The following ETS1 variants were observed in gnomAD, a reference collection of about 807,000 sequenced individuals.
ETS1 encodes protein C-ets-1.
Under a neutral mutation model 58.6 loss-of-function variants are expected in ETS1, and 15 were observed. That is an observed-to-expected ratio of 0.26 (90% CI 0.17 to 0.39). ETS1 has a LOEUF of 0.39. Among genes scored for constraint, ETS1 ranks in the 10% least tolerant of loss-of-function variants. The probability of loss-of-function intolerance (pLI) is 1.00; values close to 1 mark genes in which losing one functional copy is unlikely to be tolerated. For missense variants in ETS1, 417 were observed against 610.5 expected, an observed-to-expected ratio of 0.68 and a Z score of 3.34; for synonymous variants, 214 against 218.2, an observed-to-expected ratio of 0.98 and a Z score of 0.17.
chr11:128,516,130 G>A (rs188128887), intron 3 of ETS1, among the ~76,000 whole-genome samples: 16 of 152,334 alleles, frequency 1.1e-4, no homozygotes, highest in Admixed American at 2.6e-4. Context: ...GGAAAAGGGG[G>A]TGCAGATAGG....
intron 3 of ETS1, chr11:128,521,914 C>G (rs746512523): frequency 1.3e-6 from 2 of 1,597,786 alleles, no homozygotes; most frequent in Non-Finnish European, 1.7e-6. Context: ...GCCACTCACC[C>G]GGGGAGGGGA....
At position 128,545,182 on chromosome 11, in the gene ETS1, G is replaced by C. The variant is rs563925365; in HGVS notation, c.214+11109C>G. ...CTTGTGCCCTTAAATGACCAATATG[G>C]GACTCCAAGAAACCACAGAGAAGAT... On this transcript the variant is annotated intron_variant, in intron 3 of 9. Transcript: ENST00000392668. Among the ~76,000 whole-genome samples, 171 of 152,054 alleles carry C rather than the reference G, an allele frequency of 1.1e-3. 1 individual carries two copies. Among genetic ancestry groups the C allele is most frequent in the African/African-American group, 3.9e-3 (160 of 41,476 alleles).
intron 1 of ETS1, among the ~76,000 whole-genome samples, chr11:128,579,437 G>A (rs1014473999): frequency 9.2e-5 from 14 of 151,824 alleles, no homozygotes; most frequent in Admixed American, 1.3e-4. Context: ...CGAGGCAGGC[G>A]GACCACCCAA....
At chr11:128,470,856 T>G (rs1862169330) in intron 8 of ETS1, among the ~76,000 whole-genome samples, 2 of 152,224 alleles carry the variant, frequency 1.3e-5, no homozygotes, top group Admixed American at 6.5e-5. Flanking sequence ...GAATAAGCAT[T>G]TAGGACTTTT....
In ETS1 at chr11:128,463,758, C is replaced by G. The variant is rs749622063; in HGVS notation, c.1124-131G>C. The G allele has an allele frequency of 2.0e-5, 13 of 659,558 alleles. No individual in the cohort carries two copies. Among genetic ancestry groups the G allele is most frequent in the Non-Finnish European group, 2.8e-5 (10 of 358,930 alleles). 40.9% of individuals were successfully genotyped at this position (659,558 alleles called of 1,614,324 possible). On this transcript the variant is annotated intron_variant, in intron 8 of 9. Coordinates refer to ENST00000392668, the MANE Select transcript of ETS1 (RefSeq NM_001143820.2). The surrounding 1 kb of genome is among the most constrained non-coding windows in gnomAD (Gnocchi z 4.1). ...GCCAGGAGAAAATGAAGGCAACAGA[C>G]AGTGCACATGTCGGAGGAAGTGTTA...
intron 2 of ETS1, among the ~76,000 whole-genome samples, chr11:128,557,078 A>C (rs994912567): frequency 3.3e-5 from 5 of 152,240 alleles, no homozygotes; most frequent in African/African-American, 1.2e-4. Context: ...GCTGTGTGGA[A>C]GGTCATGTTT....
At chr11:128,555,829 GGAGA>G (rs753104173) in intron 3 of ETS1, among the ~76,000 whole-genome samples, 12 of 152,162 alleles carry the variant, frequency 7.9e-5, no homozygotes, top group Non-Finnish European at 1.5e-4. Flanking sequence ...AGGAGAGAAG[GGAGA>G]GAGAGACAGA....
At chr11:128,509,296 C>G (rs1478525816) in intron 3 of ETS1, among the ~76,000 whole-genome samples, 1 of 152,228 alleles carries the variant, frequency 6.6e-6, no homozygotes, top group Non-Finnish European at 1.5e-5. Flanking sequence ...CTGATTCATT[C>G]TGTGTGTGTG....
At chr11:128,466,739 A>G (rs1414313277) in intron 8 of ETS1, among the ~76,000 whole-genome samples, 1 of 151,742 alleles carries the variant, frequency 6.6e-6, no homozygotes, top group East Asian at 1.9e-4. Context: ...AGGCCCTAGA[A>G]GCCCAAGTCC....
intron 3 of ETS1, among the ~76,000 whole-genome samples, chr11:128,501,314 CT>C (rs1431122822): frequency 3.9e-5 from 6 of 152,174 alleles, no homozygotes; most frequent in African/African-American, 1.4e-4. Flanking sequence ...TAAGCTTTGA[CT>C]GGTGCAGACT....
At chr11:128,585,008 A>G (rs12798329) in intron 1 of ETS1, among the ~76,000 whole-genome samples, 513 of 31,838 alleles carry the variant, frequency 0.016, 74 homozygotes, top group African/African-American at 0.094. Context: ...GGAAGGAAAG[A>G]AAGGAAAGAA....
At chr11:128,557,399 G>A (rs1038960111) in intron 2 of ETS1, among the ~76,000 whole-genome samples, 2 of 152,158 alleles carry the variant, frequency 1.3e-5, no homozygotes, top group Admixed American at 6.5e-5. Context: ...ATGAAATAAT[G>A]TATGAGAAAA....
At chr11:128,548,703 C>T (rs1864177339) in intron 3 of ETS1, among the ~76,000 whole-genome samples, 1 of 152,262 alleles carries the variant, frequency 6.6e-6, no homozygotes, top group South Asian at 2.1e-4. Flanking sequence ...CAGCCCACGC[C>T]CGTCCTCTCC....
chr11:128,509,163 G>T (rs1382443787), intron 3 of ETS1, among the ~76,000 whole-genome samples: 1 of 152,192 alleles, frequency 6.6e-6, no homozygotes, highest in Non-Finnish European at 1.5e-5. Context: ...AGGATGGGTG[G>T]AAGGCATGGA....
intron 3 of ETS1, chr11:128,522,305 G>T: frequency 9.3e-7 from 1 of 1,075,640 alleles, no homozygotes; most frequent in South Asian, 3.5e-5. Context: ...GTTCGCTCTC[G>T]ATCTCCCGGC....
chr11:128,548,112 G>GAAGGAAAGGGAAGGA (rs1864160048), intron 3 of ETS1, among the ~76,000 whole-genome samples: 1 of 97,716 alleles, frequency 1.0e-5, no homozygotes, highest in Non-Finnish European at 2.0e-5. Flanking sequence ...AAAGGAAAGG[G>GAAGGAAAGGGAAGGA]AAGGAAAGGA....
chr11:128,497,590 C>G, intron 3 of ETS1: 1 of 985,072 alleles, frequency 1.0e-6, no homozygotes, highest in Non-Finnish European at 1.2e-6. Context: ...ACACATGGTT[C>G]CAATGAGCCC....
At chr11:128,495,925 A>C (rs1281448063) in intron 3 of ETS1, among the ~76,000 whole-genome samples, 2 of 152,192 alleles carry the variant, frequency 1.3e-5, no homozygotes, top group African/African-American at 4.8e-5. Context: ...CATACATAAA[A>C]GTAGAGAGAA....
At chr11:128,514,402 G>GT (rs34673369) in intron 3 of ETS1, among the ~76,000 whole-genome samples, 2 of 151,892 alleles carry the variant, frequency 1.3e-5, no homozygotes, top group African/African-American at 2.4e-5. Context: ...CTACAAGTAA[G>GT]TTTTTTTTCC....
Sources: gnomAD v4.1 joint callset for allele counts (sites outside exome capture counted in the v4.1 genomes callset) on GRCh38, gnomAD v4.1.1 for gene constraint, Gnocchi (gnomAD v3.1) non-coding constraint, MANE v1.5 for transcripts, NCBI Gene and HGNC (gene_info 2026-07-23, HGNC 2026-07-21) for gene names.